Variants in MCPH1 observed in about 807,000 individuals in gnomAD.
The protein encoded by MCPH1 is microcephalin 1.
MCPH1 carries 104 observed loss-of-function variants against 84.5 expected under a neutral mutation model. The ratio of observed to expected loss-of-function variants is 1.23; its 90% CI spans 1.05 to 1.45. The LOEUF is 1.45. Ranked by LOEUF, MCPH1 falls within the 40% of genes most tolerant of loss-of-function variation. MCPH1 has a pLI of 0.00. For missense variants in MCPH1, 1,498 were observed against 1,005.7 expected (o/e 1.49, Z -6.62); for synonymous variants, 514 against 366.8 (o/e 1.40, Z -4.58).
At chr8:6,611,499 C>T (rs1442662078) in intron 12 of MCPH1, among the ~76,000 whole-genome samples, 1 of 152,268 alleles carries the variant, frequency 6.6e-6, no homozygotes, top group African/African-American at 2.4e-5. Context: ...AGAAGAGATG[C>T]ACAGGGCCCG....
intron 12 of MCPH1, among the ~76,000 whole-genome samples, chr8:6,571,847 A>G (rs1023662008): frequency 5.9e-5 from 9 of 152,216 alleles, no homozygotes; most frequent in Admixed American, 1.3e-4. Flanking sequence ...ATTATAATAA[A>G]TAGTTACACA....
At chr8:6,491,730 G>T (rs965146130) in intron 11 of MCPH1, among the ~76,000 whole-genome samples, 1 of 151,754 alleles carries the variant, frequency 6.6e-6, no homozygotes. Context: ...GCGGTGTTTG[G>T]TTTTTTTGTC....
At chr8:6,436,718 C>G (rs533855996) in intron 5 of MCPH1, among the ~76,000 whole-genome samples, 3 of 151,400 alleles carry the variant, frequency 2.0e-5, no homozygotes, top group Non-Finnish European at 2.9e-5. Flanking sequence ...GCCTGTAATC[C>G]CAGCACTTTG....
At chr8:6,619,588 G>C (rs1447391950) in intron 12 of MCPH1, among the ~76,000 whole-genome samples, 1 of 151,650 alleles carries the variant, frequency 6.6e-6, no homozygotes, top group Non-Finnish European at 1.5e-5. Context: ...ACTGCGCCCA[G>C]CCTTTTTTTT....
intron 12 of MCPH1, among the ~76,000 whole-genome samples, chr8:6,610,092 T>TGTTC (rs1166038839): frequency 6.6e-6 from 1 of 152,226 alleles, no homozygotes; most frequent in East Asian, 1.9e-4. Context: ...CTCTAAGTCA[T>TGTTC]GTTCGCTATT....
chr8:6,549,519 A>G lies in MCPH1; in HGVS notation c.2214+49590A>G, dbSNP rs182580994. On this transcript the variant is annotated intron_variant, in intron 12 of 13. Coordinates refer to ENST00000344683, the MANE Select transcript of MCPH1 (RefSeq NM_024596.5). ...AAGCCTTCTGTATCTTGAGCTGGGC[A>G]GTCATTACACAGGTGCGCACATATA... Among the ~76,000 whole-genome samples, 40 of 150,262 alleles carry G rather than the reference A, an allele frequency of 2.7e-4. No individual in the cohort carries two copies. In the East Asian group the frequency reaches 7.8e-3, roughly 29 times the overall value.
chr8:6,425,917 G>A (rs1007645286), intron 3 of MCPH1, among the ~76,000 whole-genome samples: 2 of 152,046 alleles, frequency 1.3e-5, no homozygotes, highest in Non-Finnish European at 2.9e-5. Flanking sequence ...TACGTCTTTC[G>A]TCCAGATGCA....
At chr8:6,486,735 C>T (rs1809976643) in intron 11 of MCPH1, among the ~76,000 whole-genome samples, 1 of 152,112 alleles carries the variant, frequency 6.6e-6, no homozygotes, top group African/African-American at 2.4e-5. Context: ...AAAACCATGC[C>T]AGGAGTTGCC....
rs1161358206 is a variant in MCPH1, at chr8:6,540,723, G to A, written c.2214+40794G>A. 1.3e-5 allele frequency among the ~76,000 whole-genome samples: 2 copies of A among 152,270 alleles called. 1 individual carries two copies. Among genetic ancestry groups the A allele is most frequent in the Non-Finnish European group, 2.9e-5 (2 of 68,048 alleles). ...AGATTCTCACACTGCCTTAGCTTGG[G>A]TTTCCCCAAAAGCAGAGCCTGAGAC... On this transcript the variant is annotated intron_variant, in intron 12 of 13. Coordinates refer to ENST00000344683, the MANE Select transcript of MCPH1 (RefSeq NM_024596.5).
In MCPH1 at chr8:6,444,260, G is replaced by A. The variant is rs985475730; in HGVS notation, c.671-133G>A. 5.9e-6 allele frequency: 6 copies of A among 1,012,884 alleles called. 1 individual carries two copies. Among genetic ancestry groups the A allele is most frequent in the Non-Finnish European group, 5.8e-6 (4 of 693,420 alleles). 62.7% of individuals were successfully genotyped at this position (1,012,884 alleles called of 1,614,324 possible). On this transcript the variant is annotated intron_variant, in intron 7 of 13. Transcript: ENST00000344683. ...ATGTACCCTTAAGTGGAAATGAGAA[G>A]AACTCAAGTGTGGTTAATAGTCTTC...
chr8:6,573,763 C>T lies in MCPH1; in HGVS notation c.2215-47691C>T, dbSNP rs1026890117. Among the ~76,000 whole-genome samples the T allele has an allele frequency of 8.6e-5, 13 of 151,924 alleles. 1 individual carries two copies. Among genetic ancestry groups the T allele is most frequent in the Non-Finnish European group, 1.6e-4 (11 of 67,958 alleles). On this transcript the variant is annotated intron_variant, in intron 12 of 13. Coordinates refer to ENST00000344683, the MANE Select transcript of MCPH1 (RefSeq NM_024596.5). ...AAGTAAACCTGCCCACCCCACTCTC[C>T]AGAGCAGACAAGAAAACATGCCTGG...
In MCPH1 at chr8:6,575,401, T is replaced by C. The variant is rs142370911; in HGVS notation, c.2215-46053T>C. ...TCACAGGTGCAGGTTCTGCAGATCATGGCATGTTGTCCTGTTCTCTGGATT... is the reference window on the plus strand; with the variant it reads ...TCACAGGTGCAGGTTCTGCAGATCACGGCATGTTGTCCTGTTCTCTGGATT... On this transcript the variant is annotated intron_variant, in intron 12 of 13. Coordinates refer to ENST00000344683, the MANE Select transcript of MCPH1 (RefSeq NM_024596.5). 2.0e-3 allele frequency among the ~76,000 whole-genome samples: 310 copies of C among 152,324 alleles called. 1 individual carries two copies. Among genetic ancestry groups the C allele is most frequent in the African/African-American group, 7.0e-3 (292 of 41,568 alleles).
chr8:6,540,522 C>T lies in MCPH1; in HGVS notation c.2214+40593C>T, dbSNP rs562239312. 9.8e-5 allele frequency among the ~76,000 whole-genome samples: 15 copies of T among 152,310 alleles called. 1 individual carries two copies. The South Asian group carries it at 1.5e-3, about 15-fold the overall frequency. On this transcript the variant is annotated intron_variant, in intron 12 of 13. Coordinates refer to ENST00000344683, the MANE Select transcript of MCPH1 (RefSeq NM_024596.5). ...TCTGTGAGCGTGCAGCCTCATGGCA[C>T]GTTATGCATACCTGACACTTGCACA... is the stretch of plus-strand genomic sequence containing the variant.
In MCPH1 at chr8:6,645,972, C is replaced by T. The variant is rs1798199196; in HGVS notation, c.*2923C>T. ...ATTGACGTATAGATTCAATGCAATC[C>T]ATTAAAATCTCAGATGGCTTTTTAT... On this transcript the variant is annotated 3_prime_UTR_variant, in exon 14 of 14. Transcript: ENST00000344683. 2 of 152,120 alleles carry T rather than the reference C, an allele frequency of 1.3e-5. 1 individual carries two copies. The highest frequency in any genetic ancestry group is 4.1e-4 in the South Asian group (2 of 4,830). 9.4% of individuals were successfully genotyped at this position (152,120 alleles called of 1,614,324 possible). A position where few individuals can be genotyped will look rare whatever the true frequency, so the allele number is the denominator to read the frequency against.
At chr8:6,589,692 G>A (rs1828285872) in intron 12 of MCPH1, among the ~76,000 whole-genome samples, 2 of 152,192 alleles carry the variant, frequency 1.3e-5, no homozygotes, top group Non-Finnish European at 2.9e-5. Flanking sequence ...TCAGCCAAAA[G>A]TTTTCTGCTT....
Position 6,643,788 on chromosome 8 carries a change from A to G in MCPH1, c.*739A>G, listed in dbSNP as rs571639552. The G allele has an allele frequency of 6.6e-6, 1 of 152,636 alleles. No individual in the cohort carries two copies. Among genetic ancestry groups the G allele is most frequent in the Non-Finnish European group, 1.5e-5 (1 of 68,382 alleles). The allele number at this position is 152,636 out of a possible 1,614,324, so 9.5% of individuals were successfully genotyped here. A position where few individuals can be genotyped will look rare whatever the true frequency, so the allele number is the denominator to read the frequency against. ...CTCTCTTAAAGTAATGAAAGGAGAT[A>G]GGTATGGGGGGTGTTATACAGGATA... is the stretch of plus-strand genomic sequence containing the variant. On this transcript the variant is annotated 3_prime_UTR_variant, in exon 14 of 14. Transcript: ENST00000344683.
chr8:6,550,827 C>T (rs1340062814), intron 12 of MCPH1, among the ~76,000 whole-genome samples: 2 of 152,142 alleles, frequency 1.3e-5, no homozygotes, highest in African/African-American at 4.8e-5. Flanking sequence ...ACGATGTAAG[C>T]ACATGGCGTG....
At chr8:6,567,445 T>A (rs1826291734) in intron 12 of MCPH1, among the ~76,000 whole-genome samples, 1 of 152,212 alleles carries the variant, frequency 6.6e-6, no homozygotes, top group Non-Finnish European at 1.5e-5. Flanking sequence ...CTCAGCCTTC[T>A]GTGTGGCTGC....
intron 3 of MCPH1, among the ~76,000 whole-genome samples, chr8:6,427,010 C>T (rs1475332814): frequency 6.6e-6 from 1 of 152,156 alleles, no homozygotes; most frequent in Non-Finnish European, 1.5e-5. Context: ...TAACACACAC[C>T]TGCATGACAT....
Sources: gnomAD v4.1 joint callset for allele counts (sites outside exome capture counted in the v4.1 genomes callset) on GRCh38, gnomAD v4.1.1 for gene constraint, MANE v1.5 for transcripts, NCBI Gene and HGNC (gene_info 2026-07-23, HGNC 2026-07-21) for gene names.